The following SCAP variants were observed in gnomAD, a reference collection of about 807,000 sequenced individuals.
The protein encoded by SCAP is sterol regulatory element-binding protein cleavage-activating protein.
A neutral mutation model predicts 123.6 loss-of-function variants in SCAP; 65 were observed. That is an observed-to-expected ratio of 0.53 (90% CI 0.43 to 0.65). The LOEUF is 0.65. SCAP is among the 30% of genes least tolerant of loss of function. The pLI is 0.00. For synonymous variants in SCAP, 740 were observed against 726.3 expected (o/e 1.02, Z -0.30); for missense variants, 1,398 against 1,712.5 (o/e 0.82, Z 3.24).
intron 1 of SCAP, among the ~76,000 whole-genome samples, chr3:47,455,108 C>T (rs1331034005): frequency 7.1e-6 from 1 of 140,138 alleles, no homozygotes; most frequent in African/African-American, 2.6e-5. Flanking sequence ...CAACTGAAAA[C>T]CTTTTACAGT....
At chr3:47,448,617 T>G (rs1297399372) in intron 1 of SCAP, among the ~76,000 whole-genome samples, 1 of 152,090 alleles carries the variant, frequency 6.6e-6, no homozygotes, top group East Asian at 1.9e-4. Context: ...TTATTCTACC[T>G]TCATGTTCAC....
intron 1 of SCAP, among the ~76,000 whole-genome samples, chr3:47,469,175 C>T (rs1707945120): frequency 6.6e-6 from 1 of 152,116 alleles, no homozygotes; most frequent in Admixed American, 6.6e-5. Context: ...TGGTGAAACC[C>T]TATCTCTACA....
intron 1 of SCAP, among the ~76,000 whole-genome samples, chr3:47,470,752 T>C (rs1020888443): frequency 3.0e-4 from 45 of 152,032 alleles, no homozygotes; most frequent in African/African-American, 1.1e-3. Context: ...TCCCAGCTAC[T>C]TGGGAGGCTG....
intron 10 of SCAP, among the ~76,000 whole-genome samples, chr3:47,421,854 T>C (rs1705915535): frequency 6.6e-6 from 1 of 152,290 alleles, no homozygotes; most frequent in Non-Finnish European, 1.5e-5. Context: ...GGCATCAGTC[T>C]GGGGTTCCAG....
In SCAP at chr3:47,427,726, G is replaced by A. The variant is rs1706200187; in HGVS notation, c.411-59C>T. 9.1e-6 allele frequency: 13 copies of A among 1,424,392 alleles called. No homozygotes were observed. The Middle Eastern group carries it at 1.1e-3, about 122-fold the overall frequency. The allele number at this position is 1,424,392 out of a possible 1,614,324, so 88.2% of individuals were successfully genotyped here. A position where few individuals can be genotyped will look rare whatever the true frequency, so the allele number is the denominator to read the frequency against. On this transcript the variant is annotated intron_variant, in intron 4 of 22. Coordinates refer to ENST00000265565, the MANE Select transcript of SCAP (RefSeq NM_012235.4). ...TCTGCCACCACAGGGCAGACCTGCT[G>A]TACTTAGGGGACATCCTCTGTCTGT...
intron 2 of SCAP, among the ~76,000 whole-genome samples, chr3:47,442,640 AC>A (rs1559556416): frequency 6.6e-6 from 1 of 152,358 alleles, no homozygotes; most frequent in East Asian, 1.9e-4. Flanking sequence ...GAGATAGAGT[AC>A]CAGTGATATG....
At chr3:47,472,260 C>T (rs1474448475) in intron 1 of SCAP, among the ~76,000 whole-genome samples, 3 of 150,854 alleles carry the variant, frequency 2.0e-5, no homozygotes, top group East Asian at 1.9e-4. Context: ...GGTGAAACCC[C>T]GTCTCTACTA....
Position 47,415,100 on chromosome 3 carries a change from C to CT in SCAP, c.3136dup (p.Arg1046LysfsTer83), listed in dbSNP as rs1361826928. On this transcript the variant is annotated frameshift_variant, in exon 19 of 23. Coordinates refer to ENST00000265565, the MANE Select transcript of SCAP (RefSeq NM_012235.4). LOFTEE classifies it high-confidence loss of function. Reference sequence around the variant, plus strand: ...CTGCCCACCCCAGGCCCTCCGACCTCTAAACTGCAGGGGGCTGAGGGCAGT... The same window carrying CT: ...CTGCCCACCCCAGGCCCTCCGACCTCTTAAACTGCAGGGGGCTGAGGGCAGT... The CT allele has an allele frequency of 6.2e-7, 1 of 1,607,084 alleles. No homozygotes were observed. Among genetic ancestry groups the CT allele is most frequent in the Non-Finnish European group, 8.5e-7 (1 of 1,177,770 alleles).
intron 13 of SCAP, 22 bp from the exon 14 acceptor site, chr3:47,418,865 C>T: frequency 1.3e-6 from 2 of 1,501,352 alleles, no homozygotes; most frequent in Middle Eastern, 1.8e-4. Context: ...CAGTGGGCAG[C>T]CTCAGCGGGG....
rs763069429 is a variant in SCAP at position 47,417,715 on chromosome 3, G to A, written c.2559C>T (p.Pro853=). The change falls in exon 17 of 23, where the codon CCC becomes CCT. Residue 853 remains proline, a synonymous_variant. Transcript: ENST00000265565. ...GAGGGCCCCGGGGGCGGTGTCTCAG[G>A]GGAGGGCTGTCCCCAGGCTCCTCTG... The part of the protein sequence containing the change: ...AGPEEPGDSP[P]LRHRPRGPPP... 2 of 1,608,638 alleles carry A rather than the reference G, an allele frequency of 1.2e-6. No individual in the cohort carries two copies. The highest frequency in any genetic ancestry group is 1.7e-6 in the Non-Finnish European group (2 of 1,178,856).
intron 3 of SCAP, among the ~76,000 whole-genome samples, chr3:47,431,525 G>T (rs1406883661): frequency 6.6e-6 from 1 of 152,062 alleles, no homozygotes; most frequent in Non-Finnish European, 1.5e-5. Context: ...CTTGTAGCTT[G>T]TGACAGTTTC....
At chr3:47,417,007 G>C in intron 18 of SCAP, 115 bp downstream of exon 18, 3 of 876,358 alleles carry the variant, frequency 3.4e-6, no homozygotes, top group South Asian at 3.4e-5. Context: ...CACCAAGAAG[G>C]TCAATCGAAT....
intron 1 of SCAP, among the ~76,000 whole-genome samples, chr3:47,473,743 T>C (rs1172319306): frequency 1.3e-5 from 2 of 152,230 alleles, no homozygotes; most frequent in Non-Finnish European, 2.9e-5. Flanking sequence ...AATGTTAATA[T>C]ACATACCTGC....
chr3:47,470,963 C>T (rs1708005108), intron 1 of SCAP, among the ~76,000 whole-genome samples: 1 of 151,948 alleles, frequency 6.6e-6, no homozygotes, highest in Non-Finnish European at 1.5e-5. Flanking sequence ...ACTTCTCCCC[C>T]CAAAAAAAAG....
chr3:47,474,398 T>C (rs1294944975), intron 1 of SCAP, among the ~76,000 whole-genome samples: 1 of 152,250 alleles, frequency 6.6e-6, no homozygotes, highest in Non-Finnish European at 1.5e-5. Context: ...TTATACAGTG[T>C]TAAATATATT....
chr3:47,454,556 C>T (rs764678419), intron 1 of SCAP, among the ~76,000 whole-genome samples: 16 of 150,904 alleles, frequency 1.1e-4, no homozygotes, highest in African/African-American at 2.9e-4. Flanking sequence ...GTGAAACCCC[C>T]GTCTCCACTA....
chr3:47,459,446 C>G (rs1707546354), intron 1 of SCAP, among the ~76,000 whole-genome samples: 1 of 152,174 alleles, frequency 6.6e-6, no homozygotes, highest in African/African-American at 2.4e-5. Context: ...AATATTTCAA[C>G]ATAGGTTCTT....
At chr3:47,422,419 G>A in intron 10 of SCAP, 23 bp downstream of exon 10, 1 of 1,604,614 alleles carries the variant, frequency 6.2e-7, no homozygotes, top group Non-Finnish European at 8.5e-7. Flanking sequence ...TGCTCATCCA[G>A]GTGGCAGGCC....
At chr3:47,469,923 C>A in intron 1 of SCAP, 3 of 464,868 alleles carry the variant, frequency 6.5e-6, no homozygotes, top group South Asian at 5.3e-5. Flanking sequence ...CCTCTTAGTT[C>A]ACTGCCACAG....
Sources: gnomAD v4.1 joint callset for allele counts (sites outside exome capture counted in the v4.1 genomes callset) on GRCh38, gnomAD v4.1.1 for gene constraint, MANE v1.5 for transcripts, NCBI Gene and HGNC (gene_info 2026-07-23, HGNC 2026-07-21) for gene names.